FAM180A: variants seen among roughly 807,000 people sequenced by gnomAD.
FAM180A encodes the protein protein FAM180A.
FAM180A carries 14 observed loss-of-function variants against 15.3 expected under a neutral mutation model. The observed-to-expected ratio is 0.92, with a 90% CI of 0.61 to 1.43. FAM180A has a LOEUF of 1.43. Among genes scored for constraint, FAM180A ranks in the 40% most tolerant of loss-of-function variants. The pLI is 0.00. For missense variants in FAM180A, 200 were observed against 220.8 expected (o/e 0.91, Z 0.60); for synonymous variants, 90 against 96.8 (o/e 0.93, Z 0.41).
chr7:135,735,766 G>T (rs548674990), intron 2 of FAM180A, among the ~76,000 whole-genome samples: 18 of 152,188 alleles, frequency 1.2e-4, no homozygotes, highest in African/African-American at 4.3e-4. Flanking sequence ...ACGGTGGTGC[G>T]ATCTGAGATC....
Position 135,738,088 on chromosome 7 carries a change from A to C in FAM180A, c.77-889T>G, listed in dbSNP as rs538470465. Among the ~76,000 whole-genome samples the C allele has an allele frequency of 3.4e-4, 52 of 152,356 alleles. No homozygotes were observed. In the South Asian group the frequency reaches 9.7e-3, roughly 29 times the overall value. On this transcript the variant is annotated intron_variant, in intron 1 of 3. Transcript: ENST00000338588. ...ATATAGCTGCCAAGAATCTGAACAC[A>C]CATGACAAAATAAAGGAAGAGAGAT...
chr7:135,733,547 G>T, intron 3 of FAM180A, 99 bp downstream of exon 3: 1 of 588,636 alleles, frequency 1.7e-6, no homozygotes, highest in Non-Finnish European at 2.1e-6. Context: ...GGTTTTCACT[G>T]TGTTGCCCAG....
At chr7:135,731,352 C>T (rs1051988092) in intron 3 of FAM180A, among the ~76,000 whole-genome samples, 3 of 151,976 alleles carry the variant, frequency 2.0e-5, no homozygotes, top group Non-Finnish European at 2.9e-5. Flanking sequence ...GCTGTCTGTA[C>T]ACTGACTTGT....
At chr7:135,730,963 A>ATT (rs33979475) in intron 3 of FAM180A, among the ~76,000 whole-genome samples, 68,724 of 150,810 alleles carry the variant, frequency 0.46, 15,661 homozygotes, top group Middle Eastern at 0.57. Flanking sequence ...TCTTTTTTCT[A>ATT]TTTTTTTTTC....
At chr7:135,735,298 C>G (rs1013987680) in intron 2 of FAM180A, among the ~76,000 whole-genome samples, 1 of 152,186 alleles carries the variant, frequency 6.6e-6, no homozygotes, top group African/African-American at 2.4e-5. Context: ...GGGTATAGCT[C>G]TAGTTTCTTT....
intron 1 of FAM180A, among the ~76,000 whole-genome samples, chr7:135,742,079 T>G (rs1342661676): frequency 6.6e-6 from 1 of 152,130 alleles, no homozygotes; most frequent in Non-Finnish European, 1.5e-5. Context: ...TTTGACCTTG[T>G]GCATTGGGCA....
intron 1 of FAM180A, among the ~76,000 whole-genome samples, chr7:135,741,447 C>T (rs543928567): frequency 7.4e-5 from 11 of 149,010 alleles, no homozygotes; most frequent in African/African-American, 2.5e-4. Flanking sequence ...ACCCGGGAGG[C>T]GGAGGTTGCA....
rs141988351 is a variant in FAM180A, at chr7:135,740,291, G to T, written c.77-3092C>A. Among the ~76,000 whole-genome samples, 303 of 152,292 alleles carry T rather than the reference G, an allele frequency of 2.0e-3. 2 individuals carry two copies. Among genetic ancestry groups the T allele is most frequent in the Non-Finnish European group, 1.5e-3 (101 of 68,034 alleles). On this transcript the variant is annotated intron_variant, in intron 1 of 3. Transcript: ENST00000338588. ...AACCAGAGGGCAATGAACACATTAC[G>T]ATTTTGTAAAGCTTCCTAAGTGCTT...
chr7:135,740,308 T>C (rs1293306751), intron 1 of FAM180A, among the ~76,000 whole-genome samples: 1 of 152,218 alleles, frequency 6.6e-6, no homozygotes, highest in Non-Finnish European at 1.5e-5. Flanking sequence ...TAAAGCTTCC[T>C]AAGTGCTTCT....
chr7:135,730,345 C>T lies in FAM180A; in HGVS notation c.*330-64G>A, dbSNP rs190565920. 3.2e-5 allele frequency: 17 copies of T among 538,740 alleles called. No homozygotes were observed. In the African/African-American group the frequency reaches 3.3e-4, roughly 10 times the overall value. 33.4% of individuals were successfully genotyped at this position (538,740 alleles called of 1,614,324 possible). ...CCACTTGAGGTCAGGAGTTTGAGAC[C>T]AGCCTGGCCAACATGGTGAAACCCC... On this transcript the variant is annotated intron_variant, in intron 3 of 3. Coordinates refer to ENST00000338588, the MANE Select transcript of FAM180A (RefSeq NM_205855.4).
chr7:135,736,572 C>T (rs1302001536), intron 2 of FAM180A, among the ~76,000 whole-genome samples: 1 of 152,116 alleles, frequency 6.6e-6, no homozygotes. Context: ...GGAAATTGAC[C>T]CTGTGGTTTG....
intron 1 of FAM180A, among the ~76,000 whole-genome samples, chr7:135,747,619 GCCA>G (rs1312696685): frequency 6.6e-6 from 1 of 152,060 alleles, no homozygotes; most frequent in Non-Finnish European, 1.5e-5. Flanking sequence ...GCGCATCCAT[GCCA>G]CCATGCCAGT....
chr7:135,742,732 G>A (rs1796969800), intron 1 of FAM180A, among the ~76,000 whole-genome samples: 1 of 152,238 alleles, frequency 6.6e-6, no homozygotes, highest in South Asian at 2.1e-4. Context: ...TCAGGCTAAA[G>A]CTCTTAACAT....
chr7:135,744,823 A>G (rs896831590), intron 1 of FAM180A, among the ~76,000 whole-genome samples: 1 of 152,214 alleles, frequency 6.6e-6, no homozygotes, highest in African/African-American at 2.4e-5. Flanking sequence ...TGGTTAGGAT[A>G]GCACCTGCCT....
chr7:135,741,633 G>A (rs911283529), intron 1 of FAM180A, among the ~76,000 whole-genome samples: 1 of 151,902 alleles, frequency 6.6e-6, no homozygotes, highest in African/African-American at 2.4e-5. Context: ...AGACCAGTCT[G>A]GGCAACATAG....
chr7:135,734,932 C>T (rs1413125779), intron 2 of FAM180A, among the ~76,000 whole-genome samples: 1 of 152,128 alleles, frequency 6.6e-6, no homozygotes, highest in Non-Finnish European at 1.5e-5. Context: ...GATGGAGTCT[C>T]ACTCTGTCAC....
intron 2 of FAM180A, 70 bp from the exon 3 acceptor site, chr7:135,734,389 C>T (rs576130335): frequency 1.1e-5 from 15 of 1,427,176 alleles, no homozygotes; most frequent in Admixed American, 4.7e-5. Flanking sequence ...TTCATTATCA[C>T]GCACCTTCCC....
At chr7:135,738,270 C>A (rs1796899092) in intron 1 of FAM180A, among the ~76,000 whole-genome samples, 1 of 152,230 alleles carries the variant, frequency 6.6e-6, no homozygotes, top group Non-Finnish European at 1.5e-5. Context: ...TGGCTCACTG[C>A]AACCTCTGCC....
chr7:135,736,225 G>A (rs1474327577), intron 2 of FAM180A, among the ~76,000 whole-genome samples: 4 of 152,112 alleles, frequency 2.6e-5, no homozygotes, highest in Admixed American at 6.6e-5. Context: ...GTTTCACCGT[G>A]TTGGCCAGGC....
Sources: gnomAD v4.1 joint callset for allele counts (sites outside exome capture counted in the v4.1 genomes callset) on GRCh38, gnomAD v4.1.1 for gene constraint, MANE v1.5 for transcripts, NCBI Gene and HGNC (gene_info 2026-07-23, HGNC 2026-07-21) for gene names.